F11: variants seen among roughly 807,000 people sequenced by gnomAD.
F11 encodes coagualtion factor XI.
A neutral mutation model predicts 76.5 loss-of-function variants in F11; 78 were observed. The ratio of observed to expected loss-of-function variants is 1.02; its 90% confidence interval spans 0.85 to 1.23. The LOEUF (loss-of-function observed/expected upper bound fraction) is 1.23, where lower values mean the gene tolerates loss of function less well. Ranked by LOEUF, F11 falls within the 50% of genes most tolerant of loss-of-function variation. F11 has a pLI of 0.00. For synonymous variants in F11, 278 were observed against 276.3 expected, an observed-to-expected ratio of 1.01 and a Z score of -0.06; for missense variants, 742 against 771.4, an observed-to-expected ratio of 0.96 and a Z score of 0.45.
chr4:186,287,909 G>T (rs1184692182), intron 14 of F11, 86 bp downstream of exon 14: 6 of 1,503,976 alleles, frequency 4.0e-6, no homozygotes, highest in South Asian at 2.3e-5. Context: ...TGTTTTTTTT[G>T]TTTGTTTTTT....
chr4:186,270,013 A>G (rs1739815427), intron 2 of F11, among the ~76,000 whole-genome samples: 1 of 152,218 alleles, frequency 6.6e-6, no homozygotes, highest in African/African-American at 2.4e-5. Context: ...ACTTCCCATT[A>G]TTTCCATTTA....
chr4:186,281,186 C>T (rs553197195), intron 10 of F11, among the ~76,000 whole-genome samples: 10 of 152,294 alleles, frequency 6.6e-5, no homozygotes, highest in African/African-American at 2.4e-4. Context: ...GAGACCCAGA[C>T]TCTGCCAACA....
chr4:186,285,332 T>A (rs936350137), intron 11 of F11, among the ~76,000 whole-genome samples: 1 of 151,808 alleles, frequency 6.6e-6, no homozygotes, highest in Non-Finnish European at 1.5e-5. Context: ...CGTGTGTGTG[T>A]GTGCGTGTGT....
At chr4:186,268,205 AC>A (rs1227546789) in intron 2 of F11, among the ~76,000 whole-genome samples, 7 of 152,194 alleles carry the variant, frequency 4.6e-5, no homozygotes, top group African/African-American at 1.7e-4. Context: ...CCGAAACAAC[AC>A]AGTATAACAA....
In F11 at chr4:186,280,284, T is replaced by C. The variant is rs1162845629; in HGVS notation, c.927T>C (p.Val309=). The change falls in exon 9 of 15, where the codon GTT becomes GTC. Residue 309 remains valine, a synonymous_variant. Coordinates refer to ENST00000403665, the MANE Select transcript of F11 (RefSeq NM_000128.4). ...TCTTGGGAGAAGAACTGGATATTGT[T>C]GCTGCAAAAAGTCACGAGGCCTGCC... ...TDFLGEELDI[V]AAKSHEACQK... The C allele has an allele frequency of 6.2e-7, 1 of 1,614,068 alleles. No individual in the cohort carries two copies. Among genetic ancestry groups the C allele is most frequent in the Non-Finnish European group, 8.5e-7 (1 of 1,180,054 alleles).
intron 4 of F11, 41 bp downstream of exon 4, chr4:186,273,218 G>A (rs983721044): frequency 4.2e-6 from 6 of 1,433,888 alleles, no homozygotes; most frequent in South Asian, 2.3e-5. Flanking sequence ...CAGCTGTGAT[G>A]TACACATATC....
At chr4:186,275,489 C>T (rs564982152) in intron 5 of F11, among the ~76,000 whole-genome samples, 7 of 134,848 alleles carry the variant, frequency 5.2e-5, no homozygotes, top group African/African-American at 1.3e-4. Context: ...AGTGAGACTC[C>T]GTCTCAAATA....
In F11 at chr4:186,288,609, G is replaced by C; in HGVS notation, c.1873G>C (p.Val625Leu). The stretch of plus-strand genomic sequence containing the variant: ...CTGGATTCTGGAGAAAACTCAAGCA[G>C]TGTGAATGGGTTCCCAGGGGCCATT... ...VDWILEKTQA[V>L] Residue 625 changes from valine (V) to leucine (L), a missense_variant, in exon 15 of 15, where the codon GTG becomes CTG. Physicochemically the swap from Val to Leu is conservative, Grantham distance 32. Coordinates refer to ENST00000403665, the MANE Select transcript of F11 (RefSeq NM_000128.4). 6.2e-7 allele frequency: 1 copy of C among 1,613,908 alleles called. No individual in the cohort carries two copies. The highest frequency in any genetic ancestry group is 1.1e-5 in the South Asian group (1 of 91,038).
downstream of F11, among the ~76,000 whole-genome samples, chr4:186,289,916 C>A (rs547889608): frequency 2.4e-3 from 363 of 152,064 alleles, 2 homozygotes; most frequent in African/African-American, 8.3e-3. Context: ...CTCCTGACCT[C>A]GTGATCTGCC....
At chr4:186,287,254 G>A (rs951010683) in intron 13 of F11, among the ~76,000 whole-genome samples, 12 of 151,814 alleles carry the variant, frequency 7.9e-5, no homozygotes, top group East Asian at 2.0e-4. Flanking sequence ...AATTACAGGC[G>A]TGAGCCCCCA....
intron 3 of F11, 46 bp downstream of exon 3, chr4:186,271,817 A>T: frequency 1.9e-6 from 3 of 1,590,512 alleles, no homozygotes; most frequent in Admixed American, 1.7e-5. Flanking sequence ...TTTTAAAGGG[A>T]GATTGCTATT....
intron 12 of F11, chr4:186,286,019 A>AGAT: frequency 1.6e-6 from 1 of 634,020 alleles, no homozygotes; most frequent in Non-Finnish European, 2.8e-6. Flanking sequence ...GTGGGTAAAG[A>AGAT]GATACGTTTT....
intron 10 of F11, chr4:186,282,500 C>T (rs979659623): frequency 1.0e-6 from 1 of 985,236 alleles, no homozygotes; most frequent in Non-Finnish European, 1.2e-6. Context: ...AGATAGATAG[C>T]AGCACCATTA....
In F11 at chr4:186,286,452, T is replaced by G. The variant is rs367580331; in HGVS notation, c.1518T>G (p.Asp506Glu). 3 of 1,613,878 alleles carry G rather than the reference T, an allele frequency of 1.9e-6. No individual in the cohort carries two copies. Among genetic ancestry groups the G allele is most frequent in the Non-Finnish European group, 2.5e-6 (3 of 1,179,944 alleles). The change falls in exon 13 of 15, where the codon GAT becomes GAG. Residue 506 changes from aspartate to glutamate, a missense_variant. By Grantham distance (45) the Asp-to-Glu change is conservative. Transcript: ENST00000403665. Reference sequence around the variant, plus strand: ...CCATATGCCTGCCTTCCAAAGGAGATAGAAATGTAATATACACTGATTGCT... The same window carrying G: ...CCATATGCCTGCCTTCCAAAGGAGAGAGAAATGTAATATACACTGATTGCT... ...QRPICLPSKGDRNVIYTDCWV... is the reference protein window; with the variant it reads ...QRPICLPSKGERNVIYTDCWV...
At position 186,273,077 on chromosome 4, in the gene F11, T is replaced by C. The variant is rs750467786; in HGVS notation, c.225T>C (p.Thr75=). The change falls in exon 4 of 15, where the codon ACT becomes ACC. Residue 75 remains threonine, a synonymous_variant. Transcript: ENST00000403665. ...GTATTTTTTAAAAAAACAGGTTTAC[T>C]TGTGTCCTGAAAGACAGTGTTACAG... ...SPSEDPTRWF[T]CVLKDSVTET... The C allele has an allele frequency of 7.5e-6, 12 of 1,608,252 alleles. No homozygotes were observed. Among genetic ancestry groups the C allele is most frequent in the Non-Finnish European group, 1.0e-5 (12 of 1,174,830 alleles).
In F11 at chr4:186,273,234, A is replaced by G. The variant is rs559854051; in HGVS notation, c.325+57A>G. On this transcript the variant is annotated intron_variant, in intron 4 of 14. Coordinates refer to ENST00000403665, the MANE Select transcript of F11 (RefSeq NM_000128.4). ...AGCTGTGATGTACACATATCGCCAC[A>G]TCGGATGTGGTTTTAAGGCTATGAA... The G allele has an allele frequency of 8.8e-5, 117 of 1,327,284 alleles. No homozygotes were observed. The African/African-American group carries it at 1.5e-3, about 17-fold the overall frequency. The allele number at this position is 1,327,284 out of a possible 1,614,324, so 82.2% of individuals were successfully genotyped here. A position where few individuals can be genotyped will look rare whatever the true frequency, so the allele number is the denominator to read the frequency against.
In F11 at chr4:186,280,243, T is replaced by C. The variant is rs1740696858; in HGVS notation, c.886T>C (p.Tyr296His). 1 of 1,614,096 alleles carries C rather than the reference T, an allele frequency of 6.2e-7. No individual in the cohort carries two copies. The highest frequency in any genetic ancestry group is 8.5e-7 in the Non-Finnish European group (1 of 1,180,058). Reference protein sequence around the residue: ...SIPVFCHSSFYHDTDFLGEEL... With the variant: ...SIPVFCHSSFHHDTDFLGEEL... The stretch of plus-strand genomic sequence containing the variant: ...TCTAGTGTTCTGCCATTCTTCATTT[T>C]ACCATGACACTGATTTCTTGGGAGA... The change falls in exon 9 of 15, where the codon TAC becomes CAC. Residue 296 changes from tyrosine (Y) to histidine (H), a missense_variant. Physicochemically the swap from Tyr to His is moderately conservative, Grantham distance 83. Transcript: ENST00000403665.
rs542503037 is a variant in F11 at position 186,282,098 on chromosome 4, G to A, written c.1135+1518G>A. 2.2e-5 allele frequency: 26 copies of A among 1,175,268 alleles called. No homozygotes were observed. In the African/African-American group the frequency reaches 2.3e-4, roughly 11 times the overall value. The allele number at this position is 1,175,268 out of a possible 1,614,324, so 72.8% of individuals were successfully genotyped here. A position where few individuals can be genotyped will look rare whatever the true frequency, so the allele number is the denominator to read the frequency against. ...TGTTGTCTTTCTTCTACTTCTAAGC[G>A]TTAGAAGGGACACTTAGCAAATGTT... On this transcript the variant is annotated intron_variant, in intron 10 of 14. Transcript: ENST00000403665.
intron 1 of F11, among the ~76,000 whole-genome samples, chr4:186,266,624 C>G (rs1254521936): frequency 3.3e-5 from 5 of 152,168 alleles, no homozygotes; most frequent in African/African-American, 1.2e-4. Context: ...TTAATGCTTA[C>G]TGGAGATAAA....
Sources: allele counts gnomAD v4.1 joint callset (sites outside exome capture counted in the v4.1 genomes callset), GRCh38; gene constraint gnomAD v4.1.1; transcripts MANE v1.5; gene names NCBI Gene and HGNC (gene_info 2026-07-23, HGNC 2026-07-21).